Variants in CAMK2A observed in about 807,000 individuals in gnomAD.
CAMK2A encodes calcium/calmodulin-dependent protein kinase type II subunit alpha.
In CAMK2A, 7 loss-of-function variants were observed where a neutral mutation model predicts 79.2. That is an observed-to-expected ratio of 0.09 (90% CI 0.05 to 0.17). The LOEUF is 0.17. Among genes scored for constraint, CAMK2A ranks in the 10% least tolerant of loss-of-function variants. The probability of loss-of-function intolerance (pLI) is 1.00; values close to 1 mark genes in which losing one functional copy is unlikely to be tolerated. For missense variants in CAMK2A, 214 were observed against 646.4 expected (o/e 0.33, Z 7.25); for synonymous variants, 242 against 251.7 (o/e 0.96, Z 0.36).
intron 10 of CAMK2A, 68 bp from the exon 11 acceptor site, chr5:150,250,377 C>A: frequency 7.6e-7 from 1 of 1,319,888 alleles, no homozygotes; most frequent in Non-Finnish European, 1.1e-6. Flanking sequence ...CCAAGGGTAC[C>A]CTTCAGCAGG....
At chr5:150,272,848 C>G (rs543698409) in intron 2 of CAMK2A, among the ~76,000 whole-genome samples, 7 of 151,854 alleles carry the variant, frequency 4.6e-5, no homozygotes, top group African/African-American at 1.4e-4. Context: ...AGAGCTTGGC[C>G]TGTCTGGGCG....
At position 150,223,089 on chromosome 5, in the gene CAMK2A, G is replaced by A. The variant is rs1754406214; in HGVS notation, c.1366C>T (p.Arg456Cys). 2.0e-5 allele frequency: 32 copies of A among 1,614,062 alleles called. No individual in the cohort carries two copies. The highest frequency in any genetic ancestry group is 3.3e-5 in the South Asian group (3 of 91,086). ...TQYLDAGGIP[R>C]TAQSEETRVW... is the part of the protein sequence containing the mutation. Reference sequence around the variant, plus strand: ...CGGGTCTCCTCCGACTGGGCGGTGCGTGGGATGCCGCCAGCGTCCAGGTAC... The same window carrying A: ...CGGGTCTCCTCCGACTGGGCGGTGCATGGGATGCCGCCAGCGTCCAGGTAC... Residue 456 changes from arginine to cysteine, a missense_variant, in exon 18 of 19, where the codon CGC becomes TGC. Physicochemically the swap from Arg to Cys is radical, Grantham distance 180 (BLOSUM62 -3). Transcript: ENST00000671881. This position sits in a 1 kb window ranked among gnomAD's most constrained non-coding sequence, Gnocchi z 4.1.
intron 16 of CAMK2A, among the ~76,000 whole-genome samples, chr5:150,229,851 GCA>G (rs766593563): frequency 3.6e-4 from 55 of 152,290 alleles, no homozygotes; most frequent in South Asian, 4.2e-4. Context: ...CCCTCCTTGT[GCA>G]CAGTTTTAAA....
At chr5:150,228,377 C>A in intron 16 of CAMK2A, 91 bp from the exon 17 acceptor site, 1 of 838,136 alleles carries the variant, frequency 1.2e-6, no homozygotes, top group South Asian at 1.6e-5. Context: ...ATGATTGCAC[C>A]TACCTCACAG....
intron 6 of CAMK2A, among the ~76,000 whole-genome samples, chr5:150,255,109 T>C (rs906571593): frequency 1.3e-5 from 2 of 152,228 alleles, no homozygotes; most frequent in African/African-American, 4.8e-5. Context: ...CGTCCTGCCC[T>C]GATTTGATGA....
At chr5:150,231,404 AAAT>A (rs35699794) in intron 15 of CAMK2A, 24 bp from the exon 16 acceptor site, 201,087 of 489,730 alleles carry the variant, frequency 0.41, 36,434 homozygotes, top group East Asian at 0.44. Flanking sequence ...GGGGACACAG[AAAT>A]AATAATAATA....
intron 1 of CAMK2A, 24 bp from the exon 2 acceptor site, chr5:150,273,183 A>T (rs777861428): frequency 6.4e-7 from 1 of 1,572,806 alleles, no homozygotes; most frequent in Non-Finnish European, 8.7e-7. Context: ...GAAGGTGGAG[A>T]GGGTGAGGGA....
chr5:150,222,944 C>T (rs758335166), intron 18 of CAMK2A, 45 bp downstream of exon 18: 12 of 1,569,324 alleles, frequency 7.6e-6, no homozygotes, highest in Non-Finnish European at 1.1e-5. Flanking sequence ...GGCAACACTC[C>T]CATCCTTTAC....
At chr5:150,257,845 AT>A (rs1306002750) in intron 3 of CAMK2A, among the ~76,000 whole-genome samples, 1 of 152,132 alleles carries the variant, frequency 6.6e-6, no homozygotes, top group Admixed American at 6.5e-5. Context: ...AACATGAAAG[AT>A]GCCTGTTTAG....
At chr5:150,230,418 G>A (rs1264936486) in intron 16 of CAMK2A, among the ~76,000 whole-genome samples, 1 of 151,236 alleles carries the variant, frequency 6.6e-6, no homozygotes, top group Non-Finnish European at 1.5e-5. Context: ...TGGAAATCAG[G>A]AACAGGCTGC....
chr5:150,249,183 CA>C (rs1478617853), intron 11 of CAMK2A, among the ~76,000 whole-genome samples: 1 of 152,266 alleles, frequency 6.6e-6, no homozygotes, highest in Non-Finnish European at 1.5e-5. Flanking sequence ...TCATCATCCC[CA>C]GCGTGCTGAC....
At chr5:150,245,437 C>G (rs1247556958) in intron 12 of CAMK2A, 1 of 562,940 alleles carries the variant, frequency 1.8e-6, no homozygotes, top group African/African-American at 1.9e-5. Context: ...CAAGCGTAAC[C>G]CTCTGGCTTC....
chr5:150,286,451 G>C (rs1757429912), intron 1 of CAMK2A, among the ~76,000 whole-genome samples: 1 of 152,238 alleles, frequency 6.6e-6, no homozygotes, highest in Non-Finnish European at 1.5e-5. Flanking sequence ...CTGCAGTCCT[G>C]AGCCAGACCT....
chr5:150,251,582 G>A (rs548733108), intron 9 of CAMK2A, among the ~76,000 whole-genome samples, 168 bp downstream of exon 9: 20 of 152,322 alleles, frequency 1.3e-4, no homozygotes, highest in South Asian at 2.1e-4. Context: ...TCTGGGGCAA[G>A]ATAAATCTCC....
intron 13 of CAMK2A, among the ~76,000 whole-genome samples, chr5:150,243,616 A>G (rs1487044140): frequency 6.6e-6 from 1 of 152,226 alleles, no homozygotes; most frequent in Non-Finnish European, 1.5e-5. Context: ...CTTGGTTTTC[A>G]AGAGAAATTT....
intron 2 of CAMK2A, among the ~76,000 whole-genome samples, chr5:150,268,484 C>A (rs1756607603): frequency 1.3e-5 from 2 of 152,214 alleles, no homozygotes; most frequent in Non-Finnish European, 2.9e-5. Context: ...CATGTCCCTC[C>A]TGCCACATCA....
intron 3 of CAMK2A, 101 bp from the exon 4 acceptor site, chr5:150,257,718 C>T (rs1756120751): frequency 1.2e-5 from 11 of 908,722 alleles, no homozygotes; most frequent in Non-Finnish European, 1.9e-5. Flanking sequence ...CCCCCGCTCC[C>T]AGACAGTCAC....
At chr5:150,264,571 G>A (rs1178563712) in intron 3 of CAMK2A, among the ~76,000 whole-genome samples, 2 of 152,220 alleles carry the variant, frequency 1.3e-5, no homozygotes, top group Non-Finnish European at 2.9e-5. Flanking sequence ...GTGCCAGGTC[G>A]ACGGAGGAGG....
chr5:150,222,860 T>C (rs1042913215), intron 18 of CAMK2A, 129 bp downstream of exon 18: 8 of 1,375,330 alleles, frequency 5.8e-6, no homozygotes, highest in Non-Finnish European at 7.2e-6. Context: ...GGCCCCCTTC[T>C]TGGGGTCTCC....
Sources: allele counts gnomAD v4.1 joint callset (sites outside exome capture counted in the v4.1 genomes callset), GRCh38; gene constraint gnomAD v4.1.1; non-coding constraint Gnocchi (gnomAD v3.1); transcripts MANE v1.5; gene names NCBI Gene and HGNC (gene_info 2026-07-23, HGNC 2026-07-21).